HELB: variants seen among roughly 807,000 people sequenced by gnomAD.
The protein encoded by HELB is DNA 5'-3' helicase B.
Under a neutral mutation model 101.7 loss-of-function variants are expected in HELB, and 96 were observed. That is an observed-to-expected ratio of 0.94 (90% CI 0.80 to 1.12). HELB has a LOEUF of 1.12. Ranked by LOEUF, HELB falls within the 50% of genes most tolerant of loss-of-function variation. HELB has a pLI of 0.00. For synonymous variants in HELB, 437 were observed against 459.7 expected (o/e 0.95, Z 0.63); for missense variants, 1,210 against 1,291.9 (o/e 0.94, Z 0.97).
chr12:66,316,502 C>T (rs1422542498), intron 6 of HELB, among the ~76,000 whole-genome samples: 1 of 151,932 alleles, frequency 6.6e-6, no homozygotes, highest in African/African-American at 2.4e-5. Context: ...CTGGGCCACA[C>T]TGGAAGAGGA....
Position 66,331,256 on chromosome 12 carries a change from G to A in HELB, c.2773G>A (p.Val925Met). Reference protein sequence around the residue: ...AVTRGRCRVYVIAEESQLRNA... With the variant: ...AVTRGRCRVYMIAEESQLRNA... ...GACCAGGGGCCGCTGCCGAGTGTAT[G>A]TGATTGCAGAGGAGTCTCAGCTCCG... The change falls in exon 12 of 13, where the codon GTG becomes ATG. Residue 925 changes from valine (V) to methionine (M), a missense_variant. Transcript: ENST00000247815. The A allele has an allele frequency of 1.2e-6, 2 of 1,614,246 alleles. No homozygotes were observed. Among genetic ancestry groups the A allele is most frequent in the Non-Finnish European group, 1.7e-6 (2 of 1,180,042 alleles).
At chr12:66,316,028 G>C (rs1276590737) in intron 6 of HELB, among the ~76,000 whole-genome samples, 1 of 152,158 alleles carries the variant, frequency 6.6e-6, no homozygotes, top group Non-Finnish European at 1.5e-5. Context: ...ATCTATGACA[G>C]TGGTGCCATA....
At chr12:66,318,326 G>A (rs1056019960) in intron 6 of HELB, among the ~76,000 whole-genome samples, 2 of 152,130 alleles carry the variant, frequency 1.3e-5, no homozygotes, top group East Asian at 1.9e-4. Flanking sequence ...GTGGTCTGGA[G>A]ATAAATAGAC....
intron 4 of HELB, among the ~76,000 whole-genome samples, chr12:66,312,328 A>T (rs2053554433): frequency 6.6e-6 from 1 of 152,148 alleles, no homozygotes; most frequent in Non-Finnish European, 1.5e-5. Flanking sequence ...TGAAACTCGA[A>T]CTTGATCTCT....
Position 66,324,015 on chromosome 12 carries a change from G to A in HELB, c.2330G>A (p.Gly777Asp). Residue 777 changes from glycine (G) to aspartate (D), a missense_variant, in exon 10 of 13, where the codon GGT becomes GAT. Gly to Asp is a moderately conservative substitution (Grantham distance 94). Around this residue, in one of 2 missense-constraint regions of HELB, gnomAD observed 740 missense variants for 728.8 expected, o/e 1.02. Transcript: ENST00000247815. ...DHQSRLVFGIGDKICCTRNAY... is the reference protein window; with the variant it reads ...DHQSRLVFGIDDKICCTRNAY... ...CAGAGTAGACTTGTTTTTGGAATTGGTGATAAAATTTGTTGTACCAGGAAT... is the reference window on the plus strand; with the variant it reads ...CAGAGTAGACTTGTTTTTGGAATTGATGATAAAATTTGTTGTACCAGGAAT... 1 of 1,612,770 alleles carries A rather than the reference G, an allele frequency of 6.2e-7. No individual in the cohort carries two copies. Among genetic ancestry groups the A allele is most frequent in the Non-Finnish European group, 8.5e-7 (1 of 1,179,078 alleles).
At chr12:66,321,151 G>A (rs1439406604) in intron 7 of HELB, among the ~76,000 whole-genome samples, 1 of 152,158 alleles carries the variant, frequency 6.6e-6, no homozygotes, top group Admixed American at 6.5e-5. Context: ...TCATTCCCTT[G>A]TGATTCATCT....
At position 66,310,069 on chromosome 12, in the gene HELB, G is replaced by A. The variant is rs755473288; in HGVS notation, c.1141G>A (p.Asp381Asn). Residue 381 changes from aspartate (D) to asparagine (N), a missense_variant, in exon 4 of 13, where the codon GAT (aspartate) becomes AAT (asparagine). Physicochemically the swap from Asp to Asn is conservative, Grantham distance 23. Transcript: ENST00000247815. ...GAAACCTCCTTGGCATTTATGTGTC[G>A]ATGTCGAAAAGGTGCTTGCCTCTAT... The part of the protein sequence containing the change: ...MKKPPWHLCV[D>N]VEKVLASIHT... 3.7e-6 allele frequency: 6 copies of A among 1,614,022 alleles called. No individual in the cohort carries two copies. Among genetic ancestry groups the A allele is most frequent in the African/African-American group, 1.3e-5 (1 of 74,888 alleles).
At chr12:66,326,152 C>G (rs1039345843) in intron 11 of HELB, among the ~76,000 whole-genome samples, 1 of 152,060 alleles carries the variant, frequency 6.6e-6, no homozygotes, top group African/African-American at 2.4e-5. Flanking sequence ...CCCTTGAATT[C>G]TCATCTGTTA....
chr12:66,315,891 T>C (rs1459956049), intron 6 of HELB, among the ~76,000 whole-genome samples: 1 of 152,210 alleles, frequency 6.6e-6, no homozygotes, highest in Non-Finnish European at 1.5e-5. Context: ...TTTGGAGTTA[T>C]CCTCTGTCAG....
In HELB at chr12:66,314,172, A is replaced by G. The variant is rs757807404; in HGVS notation, c.1858+9A>G. 8.1e-6 allele frequency: 13 copies of G among 1,607,358 alleles called. No homozygotes were observed. The highest frequency in any genetic ancestry group is 1.7e-5 in the Admixed American group (1 of 59,582). On this transcript the variant is annotated intron_variant, in intron 5 of 12. Coordinates refer to ENST00000247815, the MANE Select transcript of HELB (RefSeq NM_001370285.1). Reference sequence around the variant, plus strand: ...TAAGCTTATTATCCTTGGTAAGTTAAAATATTGTTGGAATTCTGATGTTTA... The same window carrying G: ...TAAGCTTATTATCCTTGGTAAGTTAGAATATTGTTGGAATTCTGATGTTTA...
At chr12:66,304,601 C>A in intron 1 of HELB, 130 bp from the exon 2 acceptor site, 1 of 787,080 alleles carries the variant, frequency 1.3e-6, no homozygotes, top group Non-Finnish European at 2.0e-6. Flanking sequence ...TACAGGCACC[C>A]TACCAGACAT....
intron 1 of HELB, 84 bp from the exon 2 acceptor site, chr12:66,304,647 G>A (rs1030348517): frequency 1.9e-5 from 24 of 1,260,014 alleles, no homozygotes; most frequent in Non-Finnish European, 2.4e-5. Context: ...AAAGATAGTG[G>A]TAAGTTTGAT....
exon 14 of HELB, chr12:66,343,637 C>T (rs1267259410): frequency 1.1e-4 from 17 of 152,076 alleles, no homozygotes; most frequent in Non-Finnish European, 2.5e-4. Context: ...TTACAATGCT[C>T]TTTGTTAAAT....
At chr12:66,323,649 G>T (rs1478491638) in intron 9 of HELB, among the ~76,000 whole-genome samples, 2 of 152,136 alleles carry the variant, frequency 1.3e-5, no homozygotes, top group African/African-American at 4.8e-5. Context: ...GAGAGCAGAG[G>T]ATTAATTTTA....
chr12:66,330,403 T>G (rs898167033), intron 11 of HELB, among the ~76,000 whole-genome samples: 2 of 152,040 alleles, frequency 1.3e-5, no homozygotes, highest in Non-Finnish European at 2.9e-5. Context: ...TTGGAGACAT[T>G]AATAAAAAAT....
At chr12:66,305,584 A>T (rs945556492) in intron 2 of HELB, among the ~76,000 whole-genome samples, 9 of 152,042 alleles carry the variant, frequency 5.9e-5, no homozygotes, top group South Asian at 2.1e-4. Flanking sequence ...TCTACAAAAA[A>T]TTTTTTAAAA....
At chr12:66,307,457 T>C (rs1453004068) in intron 3 of HELB, among the ~76,000 whole-genome samples, 1 of 152,240 alleles carries the variant, frequency 6.6e-6, no homozygotes, top group Non-Finnish European at 1.5e-5. Flanking sequence ...TAGAGGTCTT[T>C]AGAGCCTGTT....
Position 66,331,657 on chromosome 12 carries a change from G to A in HELB, c.3162+12G>A. ...GCAAAATTTTTATGGTAGGAGTGATGTTTCCATGTTCCCAAGTTTTATTTA... is the reference window on the plus strand; with the variant it reads ...GCAAAATTTTTATGGTAGGAGTGATATTTCCATGTTCCCAAGTTTTATTTA... On this transcript the variant is annotated intron_variant, in intron 12 of 12. Coordinates refer to ENST00000247815, the MANE Select transcript of HELB (RefSeq NM_001370285.1). 6.3e-7 allele frequency: 1 copy of A among 1,579,826 alleles called. No homozygotes were observed. Among genetic ancestry groups the A allele is most frequent in the Non-Finnish European group, 8.6e-7 (1 of 1,169,562 alleles).
rs201128308 is a variant in HELB at position 66,304,872 on chromosome 12, C to T, written c.329C>T (p.Pro110Leu). ...RSYQYQVQGF[P>L]SYFLQSDMSP... ...TATCAATATCAAGTTCAAGGATTTCCGTCTTACTTTTTGCAGTCTGATATG... is the reference window on the plus strand; with the variant it reads ...TATCAATATCAAGTTCAAGGATTTCTGTCTTACTTTTTGCAGTCTGATATG... Residue 110 changes from proline (P) to leucine (L), a missense_variant, in exon 2 of 13, where the codon CCG (proline) becomes CTG (leucine). Transcript: ENST00000247815. 29 of 1,614,050 alleles carry T rather than the reference C, an allele frequency of 1.8e-5. No individual in the cohort carries two copies. Among genetic ancestry groups the T allele is most frequent in the Middle Eastern group, 3.3e-4 (2 of 6,062 alleles).
Sources: allele counts gnomAD v4.1 joint callset (sites outside exome capture counted in the v4.1 genomes callset), GRCh38; gene constraint gnomAD v4.1.1; regional missense constraint gnomAD v4.1.1; transcripts MANE v1.5; gene names NCBI Gene and HGNC (gene_info 2026-07-23, HGNC 2026-07-21).